The following TRAPPC3L variants were observed in gnomAD, a reference collection of about 807,000 sequenced individuals.
TRAPPC3L encodes the protein trafficking protein particle complex subunit 3L.
A neutral mutation model predicts 23.7 loss-of-function variants in TRAPPC3L; 23 were observed. The observed-to-expected ratio is 0.97, with a 90% confidence interval of 0.70 to 1.37. The LOEUF (loss-of-function observed/expected upper bound fraction) is 1.37, where lower values mean the gene tolerates loss of function less well. Among genes scored for constraint, TRAPPC3L ranks in the 40% most tolerant of loss-of-function variants. TRAPPC3L has a pLI of 0.00. For missense variants in TRAPPC3L, 212 were observed against 216.8 expected (o/e 0.98, Z 0.14); for synonymous variants, 81 against 77.9 (o/e 1.04, Z -0.21).
intron 3 of TRAPPC3L, chr6:116,521,282 G>A (rs527490366): frequency 6.6e-6 from 1 of 152,218 alleles, no homozygotes; most frequent in Non-Finnish European, 1.5e-5. Flanking sequence ...TATGAAGGCT[G>A]AGAAGGCCCA....
chr6:116,512,290 T>A (rs1465489186), intron 3 of TRAPPC3L: 11 of 1,522,700 alleles, frequency 7.2e-6, no homozygotes, highest in Non-Finnish European at 9.7e-6. Flanking sequence ...AAGTATTCTC[T>A]CTGTGCTCCT....
chr6:116,543,949 T>C lies in TRAPPC3L; in HGVS notation c.43-549A>G, dbSNP rs1396285769. On this transcript the variant is annotated intron_variant, in intron 1 of 4. Transcript: ENST00000368602. ...TTATAGTTCTCCAAAATATGTCCCA[T>C]TTTTAGAGTAAATTATAAATGAAAA... 6 of 1,153,010 alleles carry C rather than the reference T, an allele frequency of 5.2e-6. No homozygotes were observed. The African/African-American group carries it at 9.4e-5, about 18-fold the overall frequency. The allele number at this position is 1,153,010 out of a possible 1,614,324, so 71.4% of individuals were successfully genotyped here. A position where few individuals can be genotyped will look rare whatever the true frequency, so the allele number is the denominator to read the frequency against.
intron 3 of TRAPPC3L, chr6:116,511,996 C>G: frequency 6.2e-7 from 1 of 1,614,048 alleles, no homozygotes; most frequent in Non-Finnish European, 8.5e-7. Flanking sequence ...TCTACGTCCT[C>G]GGCCAGATCA....
intron 3 of TRAPPC3L, among the ~76,000 whole-genome samples, chr6:116,527,559 A>C (rs1304378054): frequency 6.6e-6 from 1 of 150,476 alleles, no homozygotes; most frequent in African/African-American, 2.4e-5. Context: ...GCTATGTGTT[A>C]AGTAAATGTG....
intron 3 of TRAPPC3L, among the ~76,000 whole-genome samples, chr6:116,501,275 C>T (rs1771908546): frequency 6.6e-6 from 1 of 152,174 alleles, no homozygotes; most frequent in Non-Finnish European, 1.5e-5. Context: ...ACCTGAGATG[C>T]TGAAGCTTGG....
intron 3 of TRAPPC3L, among the ~76,000 whole-genome samples, chr6:116,508,577 T>C (rs955882352): frequency 3.9e-5 from 6 of 152,188 alleles, no homozygotes; most frequent in East Asian, 3.8e-4. Flanking sequence ...GTTACTATTA[T>C]AGTAAGCCTA....
At chr6:116,503,637 C>T (rs1259983080) in intron 3 of TRAPPC3L, among the ~76,000 whole-genome samples, 2 of 152,162 alleles carry the variant, frequency 1.3e-5, no homozygotes, top group African/African-American at 4.8e-5. Flanking sequence ...AAACCCTCTT[C>T]AGCAAATGTA....
At chr6:116,516,191 G>A in intron 3 of TRAPPC3L, 2 of 585,050 alleles carry the variant, frequency 3.4e-6, no homozygotes, top group Non-Finnish European at 5.3e-6. Flanking sequence ...GGTGACAAAG[G>A]TGCTCTTGCA....
At chr6:116,543,650 G>A (rs1309554980) in intron 1 of TRAPPC3L, 4 of 682,744 alleles carry the variant, frequency 5.9e-6, no homozygotes, top group East Asian at 2.7e-5. Context: ...ATCTTTCTAT[G>A]CATTTGCTTA....
intron 3 of TRAPPC3L, chr6:116,524,177 G>GAA (rs35989080): frequency 0.66 from 100,782 of 151,870 alleles, 33,710 homozygotes; most frequent in East Asian, 0.89. Flanking sequence ...CTAGAAAAAA[G>GAA]AGTTTAGGGA....
intron 3 of TRAPPC3L, among the ~76,000 whole-genome samples, chr6:116,501,395 GC>G (rs1409781068): frequency 6.6e-6 from 1 of 152,186 alleles, no homozygotes; most frequent in Non-Finnish European, 1.5e-5. Flanking sequence ...CCGCAGCACA[GC>G]AAGGCCTACT....
chr6:116,513,243 A>G (rs758765088), intron 3 of TRAPPC3L, among the ~76,000 whole-genome samples: 6 of 152,228 alleles, frequency 3.9e-5, no homozygotes, highest in African/African-American at 1.2e-4. Context: ...TTAAAATCAT[A>G]CACTCCAAAG....
chr6:116,532,189 C>T lies in TRAPPC3L; in HGVS notation c.240+8174G>A, dbSNP rs147019814. On this transcript the variant is annotated intron_variant, in intron 3 of 4. Transcript: ENST00000368602. The stretch of plus-strand genomic sequence containing the variant: ...TTTAAAGACAAATGTGGAGCACTGC[C>T]CTCTTCTGGACAGACTAGGAGGAGC... Among the ~76,000 whole-genome samples, 438 of 152,254 alleles carry T rather than the reference C, an allele frequency of 2.9e-3. 3 individuals carry two copies. The highest frequency in any genetic ancestry group is 0.01 in the African/African-American group (420 of 41,538).
chr6:116,533,048 C>G (rs532700208), intron 3 of TRAPPC3L, among the ~76,000 whole-genome samples: 2 of 152,224 alleles, frequency 1.3e-5, no homozygotes, highest in African/African-American at 4.8e-5. Flanking sequence ...CCAGCTACAT[C>G]TTTCACTGGG....
intron 3 of TRAPPC3L, among the ~76,000 whole-genome samples, chr6:116,508,391 G>A (rs147123485): frequency 6.6e-6 from 1 of 152,322 alleles, no homozygotes; most frequent in East Asian, 1.9e-4. Flanking sequence ...ATGGGGTTCA[G>A]GGAATCTCTA....
At position 116,497,137 on chromosome 6, in the gene TRAPPC3L, C is replaced by T. The variant is rs897030346; in HGVS notation, c.427-64G>A. On this transcript the variant is annotated intron_variant, in intron 4 of 4. Transcript: ENST00000368602. Reference sequence around the variant, plus strand: ...TAAAAAACAAAAAACTAAATTTTCTCAGTCTTTTTTCAGCTTTCTTTACTT... The same window carrying T: ...TAAAAAACAAAAAACTAAATTTTCTTAGTCTTTTTTCAGCTTTCTTTACTT... 1.7e-5 allele frequency: 25 copies of T among 1,491,700 alleles called. No individual in the cohort carries two copies. The African/African-American group carries it at 3.1e-4, about 18-fold the overall frequency. The allele number at this position is 1,491,700 out of a possible 1,614,324, so 92.4% of individuals were successfully genotyped here. A position where few individuals can be genotyped will look rare whatever the true frequency, so the allele number is the denominator to read the frequency against.
chr6:116,504,470 T>C (rs1276786239), intron 3 of TRAPPC3L, among the ~76,000 whole-genome samples: 1 of 152,124 alleles, frequency 6.6e-6, no homozygotes, highest in Non-Finnish European at 1.5e-5. Flanking sequence ...GAAGCTGGTA[T>C]TATTCCTTCT....
intron 3 of TRAPPC3L, chr6:116,520,430 G>A (rs1005433487): frequency 2.6e-5 from 4 of 152,028 alleles, no homozygotes; most frequent in African/African-American, 7.2e-5. Context: ...TCCTTTGTGG[G>A]TAGTGCTTGG....
intron 3 of TRAPPC3L, chr6:116,518,191 T>G (rs1205475031): frequency 6.6e-6 from 1 of 152,206 alleles, no homozygotes; most frequent in Non-Finnish European, 1.5e-5. Flanking sequence ...GTGAGTAACT[T>G]TGGAACCTAC....
Sources: gnomAD v4.1 joint callset for allele counts (sites outside exome capture counted in the v4.1 genomes callset) on GRCh38, gnomAD v4.1.1 for gene constraint, MANE v1.5 for transcripts, NCBI Gene and HGNC (gene_info 2026-07-23, HGNC 2026-07-21) for gene names.